MACROD2: variants seen among roughly 807,000 people sequenced by gnomAD.
MACROD2 encodes mono-ADP ribosylhydrolase 2.
Under a neutral mutation model 70.4 loss-of-function variants are expected in MACROD2, and 36 were observed. The observed-to-expected ratio is 0.51, with a 90% CI of 0.39 to 0.68. The LOEUF is 0.68. Among genes scored for constraint, MACROD2 ranks in the 30% least tolerant of loss-of-function variants. The probability of loss-of-function intolerance (pLI) is 0.00; values close to 1 mark genes in which losing one functional copy is unlikely to be tolerated. For missense variants in MACROD2, 496 were observed against 538.4 expected, an observed-to-expected ratio of 0.92 and a Z score of 0.78; for synonymous variants, 172 against 178.8, an observed-to-expected ratio of 0.96 and a Z score of 0.30.
chr20:14,813,658 A>C (rs1241020550), intron 5 of MACROD2, among the ~76,000 whole-genome samples: 4 of 152,068 alleles, frequency 2.6e-5, no homozygotes, highest in Admixed American at 2.6e-4. Flanking sequence ...GGCATGTGGG[A>C]AGGGGTGTGG....
At position 15,893,654 on chromosome 20, in the gene MACROD2, C is replaced by A. The variant is rs76088834; in HGVS notation, c.775+7843C>A. ...ACCTCAAACCTAAGAGTAGTACAAA[C>A]TTTTACACTTGATCTTAGCCCAAAG... is the stretch of plus-strand genomic sequence containing the variant. On this transcript the variant is annotated intron_variant, in intron 10 of 17. Coordinates refer to ENST00000684519, the MANE Select transcript of MACROD2 (RefSeq NM_001351661.2). 127 of 455,392 alleles carry A rather than the reference C, an allele frequency of 2.8e-4. 1 individual carries two copies. The East Asian group carries it at 7.6e-3, about 27-fold the overall frequency. The allele number at this position is 455,392 out of a possible 1,614,324, so 28.2% of individuals were successfully genotyped here.
chr20:14,329,710 G>T (rs2082799040), intron 3 of MACROD2, among the ~76,000 whole-genome samples: 1 of 151,988 alleles, frequency 6.6e-6, no homozygotes, highest in Admixed American at 6.6e-5. Flanking sequence ...AAATATTTTT[G>T]ACAGAAATGC....
intron 6 of MACROD2, among the ~76,000 whole-genome samples, chr20:15,308,047 G>A (rs2077714932): frequency 6.6e-6 from 1 of 152,112 alleles, no homozygotes; most frequent in South Asian, 2.1e-4. Flanking sequence ...TCAGGAGGCA[G>A]GCAATGGATG....
chr20:15,775,569 C>T (rs2051707947), intron 8 of MACROD2, among the ~76,000 whole-genome samples: 1 of 152,012 alleles, frequency 6.6e-6, no homozygotes, highest in Non-Finnish European at 1.5e-5. Context: ...GTCCCTTTGG[C>T]CAAGAGATGA....
At chr20:14,338,598 T>C (rs1440108713) in intron 3 of MACROD2, among the ~76,000 whole-genome samples, 1 of 152,188 alleles carries the variant, frequency 6.6e-6, no homozygotes, top group Non-Finnish European at 1.5e-5. Context: ...ATAAAATGTT[T>C]TTAAAAAATT....
At chr20:15,030,432 C>G (rs896191519) in intron 5 of MACROD2, among the ~76,000 whole-genome samples, 1 of 152,152 alleles carries the variant, frequency 6.6e-6, no homozygotes, top group Non-Finnish European at 1.5e-5. Flanking sequence ...AATAACTACT[C>G]CTGCTTAATT....
intron 5 of MACROD2, among the ~76,000 whole-genome samples, chr20:14,798,996 A>G (rs1179986184): frequency 6.6e-6 from 1 of 151,984 alleles, no homozygotes; most frequent in Non-Finnish European, 1.5e-5. Flanking sequence ...TATACAGTGA[A>G]TATATATTGA....
At chr20:15,814,136 A>G (rs1158575250) in intron 8 of MACROD2, among the ~76,000 whole-genome samples, 1 of 152,180 alleles carries the variant, frequency 6.6e-6, no homozygotes, top group Non-Finnish European at 1.5e-5. Context: ...TATGAGGGTA[A>G]AATAACATCA....
chr20:15,933,836 CCA>C (rs1310514041), intron 11 of MACROD2, among the ~76,000 whole-genome samples: 1 of 152,128 alleles, frequency 6.6e-6, no homozygotes, highest in Non-Finnish European at 1.5e-5. Context: ...CCTGACTACC[CCA>C]CACACAGAGC....
chr20:16,018,266 G>A (rs1218362030), intron 15 of MACROD2, among the ~76,000 whole-genome samples: 1 of 152,016 alleles, frequency 6.6e-6, no homozygotes, highest in Non-Finnish European at 1.5e-5. Context: ...ATCGGTTTAG[G>A]TACTCATTTC....
chr20:14,249,690 T>C (rs1324459828), intron 3 of MACROD2, among the ~76,000 whole-genome samples: 25 of 152,188 alleles, frequency 1.6e-4, no homozygotes, highest in Non-Finnish European at 7.4e-5. Context: ...AGATTTATTG[T>C]TATCAAGTTC....
At chr20:14,760,823 T>A (rs1480992253) in intron 5 of MACROD2, among the ~76,000 whole-genome samples, 1 of 152,106 alleles carries the variant, frequency 6.6e-6, no homozygotes, top group Non-Finnish European at 1.5e-5. Flanking sequence ...ATTGTCACAT[T>A]TTTACTAGCA....
chr20:15,310,125 A>C (rs2077736504), intron 6 of MACROD2, among the ~76,000 whole-genome samples: 1 of 152,336 alleles, frequency 6.6e-6, no homozygotes, highest in African/African-American at 2.4e-5. Context: ...GATAATACTC[A>C]TTTCTCAGGG....
chr20:14,630,418 C>T (rs1984444092), intron 4 of MACROD2, among the ~76,000 whole-genome samples: 1 of 152,176 alleles, frequency 6.6e-6, no homozygotes, highest in African/African-American at 2.4e-5. Flanking sequence ...TTTAACTAAA[C>T]TTGTTTGAGG....
At chr20:14,590,364 G>A (rs530441857) in intron 4 of MACROD2, among the ~76,000 whole-genome samples, 10 of 152,248 alleles carry the variant, frequency 6.6e-5, no homozygotes, top group East Asian at 1.9e-4. Flanking sequence ...TAGGTAAGGT[G>A]GTAGGCAGAA....
chr20:14,237,687 C>G (rs2081889589), intron 3 of MACROD2, among the ~76,000 whole-genome samples: 1 of 147,754 alleles, frequency 6.8e-6, no homozygotes, highest in Admixed American at 6.8e-5. Flanking sequence ...TGCTATCCCT[C>G]TCCCCTCCCC....
chr20:14,076,052 A>T (rs1473942870), intron 2 of MACROD2, among the ~76,000 whole-genome samples: 1 of 152,192 alleles, frequency 6.6e-6, no homozygotes, highest in African/African-American at 2.4e-5. Flanking sequence ...TCAAGAATAC[A>T]ATTTTGACAA....
At chr20:15,231,757 G>T (rs2145985372) in intron 6 of MACROD2, among the ~76,000 whole-genome samples, 1 of 152,150 alleles carries the variant, frequency 6.6e-6, no homozygotes, top group East Asian at 1.9e-4. Flanking sequence ...ATGGCATGCA[G>T]ATGGGCTGAA....
chr20:14,711,755 G>C (rs2071341771), intron 5 of MACROD2, among the ~76,000 whole-genome samples: 1 of 152,100 alleles, frequency 6.6e-6, no homozygotes, highest in South Asian at 2.1e-4. Context: ...TATAGAAACA[G>C]TTGCATTGTT....
Sources: allele counts gnomAD v4.1 joint callset (sites outside exome capture counted in the v4.1 genomes callset), GRCh38; gene constraint gnomAD v4.1.1; transcripts MANE v1.5; gene names NCBI Gene and HGNC (gene_info 2026-07-23, HGNC 2026-07-21).